Variants in ASB5 observed in about 807,000 individuals in gnomAD.
The protein encoded by ASB5 is ankyrin repeat and SOCS box containing 5.
A neutral mutation model predicts 42.1 loss-of-function variants in ASB5; 45 were observed. The ratio of observed to expected loss-of-function variants is 1.07; its 90% confidence interval spans 0.84 to 1.37. The LOEUF is 1.37. Ranked by LOEUF, ASB5 falls within the 40% of genes most tolerant of loss-of-function variation. The pLI, the probability that ASB5 is intolerant of heterozygous loss-of-function variation, is 0.00. For synonymous variants in ASB5, 147 were observed against 150.6 expected (o/e 0.98, Z 0.18); for missense variants, 402 against 399.8 (o/e 1.01, Z -0.05).
intron 2 of ASB5, among the ~76,000 whole-genome samples, chr4:176,224,534 T>TA (rs11422422): frequency 0.3 from 31,823 of 106,084 alleles, 3,498 homozygotes; most frequent in East Asian, 0.38. Flanking sequence ...TGTGCCCAGC[T>TA]ATTTTTTTTT....
At chr4:176,224,691 C>T (rs1753325884) in intron 2 of ASB5, among the ~76,000 whole-genome samples, 1 of 109,664 alleles carries the variant, frequency 9.1e-6, no homozygotes, top group African/African-American at 3.3e-5. Context: ...ATTTGAATTA[C>T]ATCAGAAGCT....
intron 1 of ASB5, among the ~76,000 whole-genome samples, chr4:176,230,442 A>G (rs1753506329): frequency 1.3e-5 from 2 of 152,338 alleles, no homozygotes; most frequent in Non-Finnish European, 2.9e-5. Flanking sequence ...CTATCAATCT[A>G]TTAAAGAAGT....
intron 1 of ASB5, among the ~76,000 whole-genome samples, chr4:176,231,391 T>C (rs1157096766): frequency 2.0e-5 from 3 of 151,640 alleles, no homozygotes; most frequent in Admixed American, 1.3e-4. Flanking sequence ...CTTTTTCTTA[T>C]TGATCACTCC....
At chr4:176,246,811 A>G (rs1258743085) in intron 1 of ASB5, among the ~76,000 whole-genome samples, 3 of 152,234 alleles carry the variant, frequency 2.0e-5, no homozygotes, top group Non-Finnish European at 4.4e-5. Context: ...CCCTACCACC[A>G]ATCTATTCAA....
intron 1 of ASB5, among the ~76,000 whole-genome samples, chr4:176,254,923 C>T (rs577793210): frequency 2.0e-5 from 3 of 151,942 alleles, no homozygotes; most frequent in African/African-American, 7.2e-5. Context: ...CGAGGTCAGG[C>T]GTTTGAGACC....
chr4:176,275,145 C>T (rs757774327), intron 2 of ASB5, among the ~76,000 whole-genome samples: 6 of 152,022 alleles, frequency 3.9e-5, no homozygotes, highest in Non-Finnish European at 8.8e-5. Flanking sequence ...GAACTCCTGA[C>T]CTCAGGTGAT....
rs1259478071 is a variant in ASB5, at chr4:176,251,490, A to T, written c.196+17423T>A. 3.5e-5 allele frequency among the ~76,000 whole-genome samples: 2 copies of T among 56,720 alleles called. 1 individual carries two copies. The highest frequency in any genetic ancestry group is 1.2e-4 in the African/African-American group (2 of 16,782). The allele number at this position is 56,720 out of a possible 152,430, so 37.2% of individuals were successfully genotyped here. On this transcript the variant is annotated intron_variant, in intron 1 of 6. Coordinates refer to ENST00000296525, the MANE Select transcript of ASB5 (RefSeq NM_080874.4). ...GGCAGGAGAATGGCGTGAACCCGGGAGGCGGAGCTTGCAGTGAGCCGAGAT... is the reference window on the plus strand; with the variant it reads ...GGCAGGAGAATGGCGTGAACCCGGGTGGCGGAGCTTGCAGTGAGCCGAGAT...
chr4:176,270,027 C>T (rs188705758), upstream of ASB5, among the ~76,000 whole-genome samples: 40 of 152,192 alleles, frequency 2.6e-4, no homozygotes, highest in Non-Finnish European at 4.7e-4. Context: ...TCTTTGTTAA[C>T]CCAAATATGT....
chr4:176,221,490 C>T lies in ASB5; in HGVS notation c.495G>A (p.Glu165=), dbSNP rs1407154468. 1.1e-5 allele frequency: 17 copies of T among 1,614,170 alleles called. No homozygotes were observed. The highest frequency in any genetic ancestry group is 2.2e-5 in the South Asian group (2 of 91,080). Residue 165 remains glutamate, a synonymous_variant, in exon 4 of 7, where the codon GAG becomes GAA. Transcript: ENST00000296525. ...CATGCGTTGGGGATGGAAGACATGACTCCAGCTGGGCTTTGGCACCATACT... is the reference window on the plus strand; with the variant it reads ...CATGCGTTGGGGATGGAAGACATGATTCCAGCTGGGCTTTGGCACCATACT... ...LLEYGAKAQL[E]SCLPSPTHEA... is the part of the protein sequence containing the mutation.
intron 1 of ASB5, among the ~76,000 whole-genome samples, chr4:176,234,544 A>C (rs2126957844): frequency 6.6e-6 from 1 of 152,222 alleles, no homozygotes; most frequent in East Asian, 1.9e-4. Context: ...CTCAGCACTT[A>C]TTACTAGAAT....
chr4:176,240,149 A>G (rs764927839), intron 1 of ASB5, among the ~76,000 whole-genome samples: 1 of 152,200 alleles, frequency 6.6e-6, no homozygotes. Context: ...ATGAGTGGAC[A>G]GAAGTTTTAA....
chr4:176,241,523 T>A, intron 1 of ASB5: 1 of 1,534,098 alleles, frequency 6.5e-7, no homozygotes. Context: ...TATTCAGTTC[T>A]CAGAGGCTGT....
chr4:176,225,242 AAC>A lies in ASB5; in HGVS notation c.276+18_276+19del. ...GCACATGGAAAGGGGGTATATTTTA[AAC>A]TATATGTAATATATTACCTGTGATA... On this transcript the variant is annotated intron_variant, in intron 2 of 6. Coordinates refer to ENST00000296525, the MANE Select transcript of ASB5 (RefSeq NM_080874.4). 1 of 1,589,366 alleles carries A rather than the reference AAC, an allele frequency of 6.3e-7. No individual in the cohort carries two copies. Among genetic ancestry groups the A allele is most frequent in the Non-Finnish European group, 8.6e-7 (1 of 1,158,672 alleles).
At chr4:176,266,965 AATGAGGGG>A (rs1331896270) in intron 1 of ASB5, among the ~76,000 whole-genome samples, 1 of 152,188 alleles carries the variant, frequency 6.6e-6, no homozygotes, top group East Asian at 1.9e-4. Context: ...AGATAAGTCT[AATGAGGGG>A]ATGAGTGTTT....
intron 1 of ASB5, among the ~76,000 whole-genome samples, chr4:176,255,834 C>T (rs1285676123): frequency 1.3e-5 from 2 of 152,090 alleles, no homozygotes; most frequent in African/African-American, 4.8e-5. Flanking sequence ...GGTAACAAAC[C>T]TGTATCCCCT....
At chr4:176,217,993 G>A (rs1233295078) in intron 5 of ASB5, among the ~76,000 whole-genome samples, 1 of 151,022 alleles carries the variant, frequency 6.6e-6, no homozygotes, top group African/African-American at 2.4e-5. Flanking sequence ...AATATAAAAT[G>A]TTTCGTGAAA....
chr4:176,259,006 G>A (rs1036854707), intron 1 of ASB5, among the ~76,000 whole-genome samples: 1 of 151,880 alleles, frequency 6.6e-6, no homozygotes, highest in African/African-American at 2.4e-5. Flanking sequence ...TGTTTTGTTG[G>A]TTTATTTGAG....
upstream of ASB5, among the ~76,000 whole-genome samples, chr4:176,270,340 A>G (rs375007489): frequency 9.9e-5 from 15 of 152,236 alleles, no homozygotes; most frequent in East Asian, 7.7e-4. Context: ...TAAGGAGCAT[A>G]CCCATGACTG....
intron 1 of ASB5, among the ~76,000 whole-genome samples, chr4:176,248,365 A>G (rs1579328016): frequency 6.6e-6 from 1 of 152,010 alleles, no homozygotes; most frequent in Non-Finnish European, 1.5e-5. Flanking sequence ...CAAGTGATCC[A>G]CCCACCTCGA....
Sources: allele counts gnomAD v4.1 joint callset (sites outside exome capture counted in the v4.1 genomes callset), GRCh38; gene constraint gnomAD v4.1.1; transcripts MANE v1.5; gene names NCBI Gene and HGNC (gene_info 2026-07-23, HGNC 2026-07-21).